The following ARHGAP26 variants were observed in gnomAD, a reference collection of about 807,000 sequenced individuals.
The protein encoded by ARHGAP26 is Rho GTPase activating protein 26, also known as rho GTPase-activating protein 26.
Under a neutral mutation model 104.8 loss-of-function variants are expected in ARHGAP26, and 38 were observed. The ratio of observed to expected loss-of-function variants is 0.36; its 90% CI spans 0.28 to 0.48. The LOEUF is 0.48. ARHGAP26 is among the 20% of genes least tolerant of loss of function. The probability of loss-of-function intolerance (pLI) is 0.99; values close to 1 mark genes in which losing one functional copy is unlikely to be tolerated. For synonymous variants in ARHGAP26, 341 were observed against 340.0 expected (o/e 1.00, Z -0.03); for missense variants, 704 against 947.9 (o/e 0.74, Z 3.38).
intron 10 of ARHGAP26, among the ~76,000 whole-genome samples, chr5:142,929,243 A>G (rs1598283071): frequency 1.3e-5 from 2 of 152,030 alleles, no homozygotes; most frequent in South Asian, 2.1e-4. Flanking sequence ...CTATCCTCCT[A>G]CTTTTAATCT....
intron 1 of ARHGAP26, among the ~76,000 whole-genome samples, chr5:142,829,479 A>C (rs1158421604): frequency 1.3e-5 from 2 of 152,204 alleles, no homozygotes; most frequent in Non-Finnish European, 2.9e-5. Flanking sequence ...TTCTGTGAAT[A>C]GTTGTTACAA....
At chr5:142,887,468 A>G (rs1304150935) in intron 5 of ARHGAP26, among the ~76,000 whole-genome samples, 1 of 152,236 alleles carries the variant, frequency 6.6e-6, no homozygotes, top group African/African-American at 2.4e-5. Context: ...ATGTGTAAAT[A>G]TCCTTATGAT....
At chr5:142,971,184 G>A (rs865861052) in intron 11 of ARHGAP26, among the ~76,000 whole-genome samples, 6 of 152,136 alleles carry the variant, frequency 3.9e-5, no homozygotes, top group African/African-American at 7.2e-5. Flanking sequence ...GAAAATAACC[G>A]AAGTTATAAC....
intron 1 of ARHGAP26, among the ~76,000 whole-genome samples, chr5:142,778,741 A>G (rs1156282388): frequency 2.6e-5 from 4 of 152,124 alleles, no homozygotes; most frequent in Non-Finnish European, 5.9e-5. Context: ...TTCAAGTGGA[A>G]TGGTTGCTGG....
chr5:142,812,941 CT>C (rs34704039), intron 1 of ARHGAP26, among the ~76,000 whole-genome samples: 30,673 of 137,902 alleles, frequency 0.22, 3,753 homozygotes, highest in East Asian at 0.46. Context: ...TTTTTTCTTT[CT>C]TTTTTTTTTT....
At chr5:142,929,119 A>C (rs546783696) in intron 10 of ARHGAP26, among the ~76,000 whole-genome samples, 36 of 152,196 alleles carry the variant, frequency 2.4e-4, no homozygotes, top group Middle Eastern at 3.4e-3. Flanking sequence ...TGTATTTTTT[A>C]GTAGAGACAG....
At chr5:142,833,580 C>T (rs1941195017) in intron 1 of ARHGAP26, among the ~76,000 whole-genome samples, 1 of 152,152 alleles carries the variant, frequency 6.6e-6, no homozygotes, top group South Asian at 2.1e-4. Context: ...CAAACAGACT[C>T]CTTGAAGTGG....
intron 20 of ARHGAP26, among the ~76,000 whole-genome samples, chr5:143,175,766 GT>G (rs1469234981): frequency 6.6e-6 from 1 of 152,076 alleles, no homozygotes; most frequent in Non-Finnish European, 1.5e-5. Context: ...GAAGGTTTTT[GT>G]TTTTAGCCAA....
At chr5:142,821,700 A>G (rs1766226951) in intron 1 of ARHGAP26, among the ~76,000 whole-genome samples, 1 of 152,136 alleles carries the variant, frequency 6.6e-6, no homozygotes, top group Non-Finnish European at 1.5e-5. Context: ...AATTTGAGAA[A>G]CACTTGGACT....
At chr5:143,052,675 A>C (rs1051829656) in intron 14 of ARHGAP26, among the ~76,000 whole-genome samples, 3 of 152,144 alleles carry the variant, frequency 2.0e-5, no homozygotes, top group Non-Finnish European at 2.9e-5. Flanking sequence ...AGCAGTAGAT[A>C]CCAGCTGGAT....
At chr5:143,067,045 C>T (rs1437222955) in intron 17 of ARHGAP26, among the ~76,000 whole-genome samples, 4 of 151,930 alleles carry the variant, frequency 2.6e-5, no homozygotes, top group African/African-American at 9.7e-5. Context: ...CCCTCCCCCT[C>T]CCGCTTCTGC....
chr5:143,050,595 C>T (rs1342569233), intron 14 of ARHGAP26, among the ~76,000 whole-genome samples: 1 of 152,116 alleles, frequency 6.6e-6, no homozygotes, highest in Admixed American at 6.5e-5. Context: ...TGACTTCTTT[C>T]TGAAGAAATC....
At chr5:142,805,990 A>C (rs1298346787) in intron 1 of ARHGAP26, among the ~76,000 whole-genome samples, 4 of 152,270 alleles carry the variant, frequency 2.6e-5, no homozygotes, top group African/African-American at 9.6e-5. Context: ...AAATGTGGAC[A>C]GTGTAATATA....
At chr5:142,986,732 GT>G (rs1240569098) in intron 11 of ARHGAP26, among the ~76,000 whole-genome samples, 1 of 152,170 alleles carries the variant, frequency 6.6e-6, no homozygotes, top group Non-Finnish European at 1.5e-5. Flanking sequence ...TGGCTAGCCA[GT>G]TTTCCCAGCA....
chr5:142,948,489 G>T (rs1459102458), intron 11 of ARHGAP26, among the ~76,000 whole-genome samples: 1 of 151,464 alleles, frequency 6.6e-6, no homozygotes, highest in Non-Finnish European at 1.5e-5. Flanking sequence ...ATATAATTGT[G>T]CCCAGAGCTC....
At chr5:143,116,546 T>C (rs1328348583) in intron 17 of ARHGAP26, among the ~76,000 whole-genome samples, 2 of 152,208 alleles carry the variant, frequency 1.3e-5, no homozygotes, top group African/African-American at 2.4e-5. Context: ...GGCTCTCATT[T>C]AAACTCTAGG....
chr5:143,220,063 G>A (rs1468322355), intron 22 of ARHGAP26, among the ~76,000 whole-genome samples: 1 of 152,194 alleles, frequency 6.6e-6, no homozygotes, highest in Non-Finnish European at 1.5e-5. Context: ...TGTGCTGTGG[G>A]TGAACAGCTA....
At chr5:142,960,570 G>C (rs1474735415) in intron 11 of ARHGAP26, among the ~76,000 whole-genome samples, 4 of 152,230 alleles carry the variant, frequency 2.6e-5, no homozygotes, top group African/African-American at 9.7e-5. Context: ...AGTACTATCT[G>C]AGGTTTCAGG....
intron 10 of ARHGAP26, among the ~76,000 whole-genome samples, chr5:142,921,002 G>A (rs1390393245): frequency 2.6e-5 from 4 of 152,158 alleles, no homozygotes; most frequent in Admixed American, 1.3e-4. Context: ...TACTGGCAGT[G>A]GAGATATAAA....
Sources: gnomAD v4.1 joint callset for allele counts (sites outside exome capture counted in the v4.1 genomes callset) on GRCh38, gnomAD v4.1.1 for gene constraint, MANE v1.5 for transcripts, NCBI Gene and HGNC (gene_info 2026-07-23, HGNC 2026-07-21) for gene names.